The following SLC25A14 variants were observed in gnomAD, a reference collection of about 807,000 sequenced individuals.
SLC25A14 encodes solute carrier family 25 member 14.
Under a neutral mutation model 28.1 loss-of-function variants are expected in SLC25A14, and 8 were observed. The ratio of observed to expected loss-of-function variants is 0.28; its 90% CI spans 0.17 to 0.51. SLC25A14 has a LOEUF of 0.51. SLC25A14 is among the 20% of genes least tolerant of loss of function. The pLI is 0.97. For synonymous variants in SLC25A14, 74 were observed against 90.6 expected, an observed-to-expected ratio of 0.82 and a Z score of 1.04; for missense variants, 135 against 263.8, an observed-to-expected ratio of 0.51 and a Z score of 3.38.
chrX:130,355,436 A>G (rs1309186471), intron 6 of SLC25A14, among the ~76,000 whole-genome samples: 1 of 111,938 alleles, frequency 8.9e-6, no homozygotes, highest in South Asian at 3.7e-4. Flanking sequence ...AGTACAGTGA[A>G]CGTCTTTGTA....
chrX:130,347,690 A>C (rs2033484046), intron 4 of SLC25A14, among the ~76,000 whole-genome samples: 1 of 111,845 alleles, frequency 8.9e-6, no homozygotes, highest in Non-Finnish European at 1.9e-5. Context: ...TTTTTTAAAA[A>C]AATCTTTATT....
intron 6 of SLC25A14, among the ~76,000 whole-genome samples, chrX:130,356,410 G>A (rs2033794302): frequency 9.2e-6 from 1 of 108,735 alleles, no homozygotes; most frequent in Non-Finnish European, 1.9e-5. Flanking sequence ...TGTATTTTTA[G>A]TAGAGACGGG....
intron 6 of SLC25A14, among the ~76,000 whole-genome samples, chrX:130,356,539 T>G (rs763383269): frequency 4.5e-5 from 5 of 111,078 alleles, no homozygotes; most frequent in Admixed American, 1.9e-4. Context: ...AAGGACAACT[T>G]TTTCTCATTT....
intron 5 of SLC25A14, 101 bp from the exon 6 acceptor site, chrX:130,350,545 A>T: frequency 8.1e-6 from 3 of 369,308 alleles, no homozygotes; most frequent in Non-Finnish European, 1.4e-5. Flanking sequence ...TTCTAAAGTC[A>T]TCTCTCTAAC....
intron 2 of SLC25A14, among the ~76,000 whole-genome samples, chrX:130,341,622 T>G (rs1469252310): frequency 8.9e-6 from 1 of 112,299 alleles, no homozygotes; most frequent in African/African-American, 3.2e-5. Context: ...TTGTAGGACA[T>G]TCTTACTTTC....
chrX:130,368,659 A>G (rs773049233), intron 9 of SLC25A14, among the ~76,000 whole-genome samples: 2 of 112,737 alleles, frequency 1.8e-5, no homozygotes, highest in East Asian at 5.5e-4. Flanking sequence ...TATCGCAGGC[A>G]CTGTACATAG....
At chrX:130,345,298 A>G in intron 3 of SLC25A14, 23 bp downstream of exon 3, 1 of 956,313 alleles carries the variant, frequency 1.0e-6, no homozygotes, top group East Asian at 3.1e-5. Flanking sequence ...GAAATGACAA[A>G]TCTGCATTAT....
At chrX:130,355,404 A>T (rs1242798014) in intron 6 of SLC25A14, among the ~76,000 whole-genome samples, 1 of 112,299 alleles carries the variant, frequency 8.9e-6, no homozygotes, top group Non-Finnish European at 1.9e-5. Context: ...TTTCAAACAT[A>T]TGAGTGAGTA....
chrX:130,342,062 C>A (rs2033276600), intron 2 of SLC25A14, among the ~76,000 whole-genome samples: 1 of 112,111 alleles, frequency 8.9e-6, no homozygotes, highest in Non-Finnish European at 1.9e-5. Flanking sequence ...CAATTCTATG[C>A]AAGCTATAAT....
intron 7 of SLC25A14, among the ~76,000 whole-genome samples, chrX:130,362,771 T>C (rs1270390055): frequency 8.9e-6 from 1 of 112,475 alleles, no homozygotes; most frequent in Non-Finnish European, 1.9e-5. Flanking sequence ...TGTGTTGTAA[T>C]GTGAGCTGTG....
At chrX:130,345,556 A>G (rs1428976460) in intron 3 of SLC25A14, among the ~76,000 whole-genome samples, 1 of 111,532 alleles carries the variant, frequency 9.0e-6, no homozygotes, top group East Asian at 2.8e-4. Flanking sequence ...TTGATATGTC[A>G]TAAGGGTTTT....
chrX:130,347,016 G>T (rs1381744869), intron 4 of SLC25A14, among the ~76,000 whole-genome samples: 2 of 111,177 alleles, frequency 1.8e-5, no homozygotes, highest in East Asian at 5.6e-4. Flanking sequence ...CTCCTGAGTT[G>T]GCAAATTCTG....
chrX:130,346,176 G>C (rs751471954), intron 3 of SLC25A14, among the ~76,000 whole-genome samples: 56 of 111,355 alleles, frequency 5.0e-4, no homozygotes, highest in Non-Finnish European at 9.3e-4. Flanking sequence ...ATGAGACACA[G>C]AGGTGGGGAG....
chrX:130,341,050 A>G (rs1468290883), intron 2 of SLC25A14, among the ~76,000 whole-genome samples: 1 of 111,076 alleles, frequency 9.0e-6, no homozygotes, highest in African/African-American at 3.3e-5. Flanking sequence ...TTGTTCCCAC[A>G]TTTGTGTTTC....
intron 9 of SLC25A14, 80 bp from the exon 10 acceptor site, chrX:130,371,483 GC>G: frequency 4.7e-6 from 3 of 641,514 alleles, no homozygotes; most frequent in Non-Finnish European, 7.8e-6. Flanking sequence ...GCCATAAGTT[GC>G]CCTGGGGTGG....
chrX:130,371,683 C>T, intron 10 of SLC25A14, 39 bp downstream of exon 10: 2 of 1,000,479 alleles, frequency 2.0e-6, no homozygotes, highest in South Asian at 1.9e-5. Flanking sequence ...CTTCAAGCTC[C>T]CAGATAATTC....
At chrX:130,354,095 CTTT>C (rs747971751) in intron 6 of SLC25A14, among the ~76,000 whole-genome samples, 1 of 97,026 alleles carries the variant, frequency 1.0e-5, no homozygotes, top group Non-Finnish European at 2.1e-5. Flanking sequence ...CTTTTTCATT[CTTT>C]TTTTTTTTTT....
intron 2 of SLC25A14, among the ~76,000 whole-genome samples, chrX:130,340,835 G>A (rs887699633): frequency 9.0e-6 from 1 of 111,158 alleles, no homozygotes; most frequent in Non-Finnish European, 1.9e-5. Flanking sequence ...AAGTCACTTC[G>A]TTGTTAAACA....
intron 2 of SLC25A14, among the ~76,000 whole-genome samples, chrX:130,340,656 T>C (rs1318954050): frequency 9.0e-6 from 1 of 110,800 alleles, no homozygotes; most frequent in African/African-American, 3.3e-5. Flanking sequence ...CATCATCGAG[T>C]TCTTTGTGTC....
Sources: allele counts gnomAD v4.1 joint callset (sites outside exome capture counted in the v4.1 genomes callset), GRCh38; gene constraint gnomAD v4.1.1; transcripts MANE v1.5; gene names NCBI Gene and HGNC (gene_info 2026-07-23, HGNC 2026-07-21).